The following ANO2 variants were observed in gnomAD, a reference collection of about 807,000 sequenced individuals.
The protein encoded by ANO2 is anoctamin-2.
A neutral mutation model predicts 124.2 loss-of-function variants in ANO2; 101 were observed. The observed-to-expected ratio is 0.81, with a 90% CI of 0.69 to 0.96. ANO2 has a LOEUF of 0.96. Ranked by LOEUF, ANO2 falls within the 40% of genes least tolerant of loss-of-function variation. ANO2 has a pLI of 0.00. For synonymous variants in ANO2, 486 were observed against 482.5 expected (o/e 1.01, Z -0.09); for missense variants, 1,293 against 1,274.5 (o/e 1.01, Z -0.22).
At chr12:5,818,450 TA>T (rs1953679126) in intron 7 of ANO2, among the ~76,000 whole-genome samples, 6 of 1,220 alleles carry the variant, frequency 4.9e-3, no homozygotes, top group Non-Finnish European at 0.012. Context: ...ACTCATATTA[TA>T]TATATATATA....
intron 14 of ANO2, among the ~76,000 whole-genome samples, chr12:5,723,888 T>G (rs1184494922): frequency 6.6e-6 from 1 of 152,072 alleles, no homozygotes; most frequent in Admixed American, 6.5e-5. Flanking sequence ...ACTGCAGAGC[T>G]GAACCAACCC....
At chr12:5,568,000 G>A (rs1469617926) in intron 23 of ANO2, among the ~76,000 whole-genome samples, 1 of 152,182 alleles carries the variant, frequency 6.6e-6, no homozygotes, top group African/African-American at 2.4e-5. Flanking sequence ...GACCTACAGT[G>A]AGAAATACAT....
intron 3 of ANO2, among the ~76,000 whole-genome samples, chr12:5,868,370 T>C (rs1397126414): frequency 6.6e-6 from 1 of 152,144 alleles, no homozygotes; most frequent in Admixed American, 6.5e-5. Context: ...ACTCCCTGTG[T>C]GACGTTGATA....
At chr12:5,802,912 G>T (rs556193665) in intron 9 of ANO2, among the ~76,000 whole-genome samples, 1 of 152,206 alleles carries the variant, frequency 6.6e-6, no homozygotes, top group Non-Finnish European at 1.5e-5. Context: ...CCACCTGATG[G>T]ATCAGAGATA....
At chr12:5,758,620 A>G (rs1423853048) in intron 10 of ANO2, among the ~76,000 whole-genome samples, 1 of 152,172 alleles carries the variant, frequency 6.6e-6, no homozygotes, top group African/African-American at 2.4e-5. Flanking sequence ...GGGCTCACAC[A>G]AAGCATAAGG....
At position 5,915,962 on chromosome 12, in the gene ANO2, G is replaced by A. The variant is rs1004753549; in HGVS notation, c.534+5078C>T. 2.0e-5 allele frequency among the ~76,000 whole-genome samples: 3 copies of A among 152,128 alleles called. No individual in the cohort carries two copies. In the South Asian group the frequency reaches 6.2e-4, roughly 32 times the overall value. On this transcript the variant is annotated intron_variant, in intron 3 of 24. Coordinates refer to ENST00000682330, the MANE Select transcript of ANO2 (RefSeq NM_001364791.2). ...AGTGACTAGGTACACTGTGGTGGCT[G>A]CAAACTGCTCATTCATTAAAATAAT...
chr12:5,827,352 T>C (rs909419958), intron 7 of ANO2, among the ~76,000 whole-genome samples: 13 of 152,288 alleles, frequency 8.5e-5, no homozygotes, highest in South Asian at 8.3e-4. Context: ...TCATGACCCC[T>C]CTCTGGAGGT....
At chr12:5,821,208 A>C (rs1953786332) in intron 7 of ANO2, among the ~76,000 whole-genome samples, 1 of 152,218 alleles carries the variant, frequency 6.6e-6, no homozygotes, top group Admixed American at 6.5e-5. Context: ...TCTGACTAAA[A>C]TTCAGGGAAC....
intron 15 of ANO2, among the ~76,000 whole-genome samples, chr12:5,638,237 C>CTTTTTCTTTT: frequency 8.0e-6 from 1 of 124,868 alleles, no homozygotes; most frequent in East Asian, 2.7e-4. Flanking sequence ...GTTTCTTTTC[C>CTTTTTCTTTT]TTTTTTTTTT....
intron 10 of ANO2, among the ~76,000 whole-genome samples, chr12:5,788,841 G>C (rs1591618502): frequency 1.3e-5 from 2 of 152,202 alleles, no homozygotes; most frequent in East Asian, 3.9e-4. Context: ...TTACAGGCGT[G>C]AGCCACCATG....
At chr12:5,618,129 AC>A (rs1161723326) in intron 16 of ANO2, among the ~76,000 whole-genome samples, 1 of 152,126 alleles carries the variant, frequency 6.6e-6, no homozygotes, top group African/African-American at 2.4e-5. Context: ...TGTGAAGCAC[AC>A]CTCCAAATTT....
chr12:5,828,081 G>T (rs992880551), intron 6 of ANO2, among the ~76,000 whole-genome samples: 1 of 152,194 alleles, frequency 6.6e-6, no homozygotes, highest in African/African-American at 2.4e-5. Context: ...TGAATAAAAG[G>T]CTAGAAATGG....
chr12:5,881,495 G>A (rs1290701106), intron 3 of ANO2, among the ~76,000 whole-genome samples: 4 of 152,142 alleles, frequency 2.6e-5, no homozygotes, highest in African/African-American at 9.7e-5. Context: ...AAAGCCAAAG[G>A]GGTTGAAATT....
rs541637416 is a variant in ANO2, at chr12:5,700,183, G to C, written c.1545+32337C>G. ...TACTTATTCCAAAATTGACCACATA[G>C]TTGGAAGTAAAGCACTCCTCAACAA... On this transcript the variant is annotated intron_variant, in intron 14 of 24. Coordinates refer to ENST00000682330, the MANE Select transcript of ANO2 (RefSeq NM_001364791.2). 6.6e-5 allele frequency among the ~76,000 whole-genome samples: 10 copies of C among 152,260 alleles called. 1 individual carries two copies. In the South Asian group the frequency reaches 2.1e-3, roughly 32 times the overall value.
intron 8 of ANO2, 76 bp from the exon 9 acceptor site, chr12:5,806,169 T>C: frequency 6.9e-7 from 1 of 1,459,266 alleles, no homozygotes; most frequent in Non-Finnish European, 9.4e-7. Context: ...AGGATTTTCT[T>C]TTTTATTTTC....
chr12:5,663,537 T>C (rs1462497128), intron 14 of ANO2, among the ~76,000 whole-genome samples: 1 of 152,114 alleles, frequency 6.6e-6, no homozygotes, highest in Non-Finnish European at 1.5e-5. Context: ...ACTCAGCTCC[T>C]GCACATGATC....
At chr12:5,906,368 AAG>A (rs1565767944) in intron 3 of ANO2, among the ~76,000 whole-genome samples, 1 of 150,558 alleles carries the variant, frequency 6.6e-6, no homozygotes, top group African/African-American at 2.5e-5. Flanking sequence ...AAAAAAGAAA[AAG>A]AAAAAAAGAG....
chr12:5,705,486 G>A (rs576686564), intron 14 of ANO2, among the ~76,000 whole-genome samples: 62 of 152,208 alleles, frequency 4.1e-4, no homozygotes, highest in African/African-American at 1.4e-3. Flanking sequence ...CCACACACAG[G>A]GAAGGCCAGG....
At chr12:5,565,476 AGGTAG>A (rs1941691207) in intron 24 of ANO2, 77 bp downstream of exon 24, 30 of 1,185,632 alleles carry the variant, frequency 2.5e-5, no homozygotes, top group Non-Finnish European at 3.5e-5. Flanking sequence ...CGGAACCTGG[AGGTAG>A]GTGCAAGCAA....
Sources: gnomAD v4.1 joint callset for allele counts (sites outside exome capture counted in the v4.1 genomes callset) on GRCh38, gnomAD v4.1.1 for gene constraint, MANE v1.5 for transcripts, NCBI Gene and HGNC (gene_info 2026-07-23, HGNC 2026-07-21) for gene names.